Variants in ALPK3 observed in about 807,000 individuals in gnomAD.
The protein encoded by ALPK3 is alpha kinase 3.
ALPK3 carries 102 observed loss-of-function variants against 140.0 expected under a neutral mutation model. The observed-to-expected ratio is 0.73, with a 90% CI of 0.62 to 0.86. The LOEUF (loss-of-function observed/expected upper bound fraction) is 0.86, where lower values mean the gene tolerates loss of function less well. ALPK3 is among the 40% of genes least tolerant of loss of function. The pLI, the probability that ALPK3 is intolerant of heterozygous loss-of-function variation, is 0.00. For missense variants in ALPK3, 2,254 were observed against 2,208.2 expected, an observed-to-expected ratio of 1.02 and a Z score of -0.42; for synonymous variants, 938 against 898.5, an observed-to-expected ratio of 1.04 and a Z score of -0.79.
chr15:84,859,735 C>T, intron 7 of ALPK3, 41 bp from the exon 8 acceptor site: 1 of 1,583,462 alleles, frequency 6.3e-7, no homozygotes, highest in Non-Finnish European at 8.6e-7. Context: ...ACAGTCTGCC[C>T]CCATGCCATG....
Position 84,858,574 on chromosome 15 carries a change from G to GTCC in ALPK3, c.3817+19_3817+20insTCC. ...CTGAAAGGTGAGCAGTGGGGAGGGAGAGGGATGGCTTCACAGGACAGGGCC... is the reference window on the plus strand; with the variant it reads ...CTGAAAGGTGAGCAGTGGGGAGGGAGTCCAGGGATGGCTTCACAGGACAGGGCC... On this transcript the variant is annotated intron_variant, in intron 6 of 13. Transcript: ENST00000258888. 5.1e-6 allele frequency: 8 copies of GTCC among 1,560,618 alleles called. No individual in the cohort carries two copies. The highest frequency in any genetic ancestry group is 6.9e-6 in the Non-Finnish European group (8 of 1,162,108).
rs781080280 is a variant in ALPK3, at chr15:84,840,425, C to T, written c.1146C>T (p.Gly382=). The stretch of plus-strand genomic sequence containing the variant: ...CTGCACGGGGGCCTGGGTCCTCTGG[C>T]ACAGATAGTACCAGGAAGCCAGCCT... The part of the protein sequence containing the change: ...GRAARGPGSS[G]TDSTRKPASA... Residue 382 remains glycine (G), a synonymous_variant, in exon 5 of 14, where the codon GGC becomes GGT. Coordinates refer to ENST00000258888, the MANE Select transcript of ALPK3 (RefSeq NM_020778.5). 4.3e-6 allele frequency: 7 copies of T among 1,613,882 alleles called. No homozygotes were observed. The highest frequency in any genetic ancestry group is 5.9e-6 in the Non-Finnish European group (7 of 1,179,886).
chr15:84,831,283 T>C (rs182851784), intron 3 of ALPK3, among the ~76,000 whole-genome samples: 2 of 152,306 alleles, frequency 1.3e-5, no homozygotes, highest in Admixed American at 6.5e-5. Flanking sequence ...ATGCTTTCAG[T>C]TGGAAACGGA....
At chr15:84,837,427 C>T (rs1156372881) in intron 3 of ALPK3, among the ~76,000 whole-genome samples, 1 of 152,164 alleles carries the variant, frequency 6.6e-6, no homozygotes, top group Non-Finnish European at 1.5e-5. Flanking sequence ...AAAGGCAGAG[C>T]GCCTGTGCAG....
intron 2 of ALPK3, among the ~76,000 whole-genome samples, chr15:84,826,896 C>G (rs971097017): frequency 2.0e-5 from 3 of 152,136 alleles, no homozygotes; most frequent in Non-Finnish European, 4.4e-5. Flanking sequence ...GAATTAGAGT[C>G]CCCCCTTGGG....
rs1485107945 is a variant in ALPK3 at position 84,839,106 on chromosome 15, G to A, written c.422+9G>A. The A allele has an allele frequency of 1.3e-6, 2 of 1,599,970 alleles. No homozygotes were observed. The highest frequency in any genetic ancestry group is 1.7e-6 in the Non-Finnish European group (2 of 1,172,338). On this transcript the variant is annotated intron_variant, in intron 4 of 13. Coordinates refer to ENST00000258888, the MANE Select transcript of ALPK3 (RefSeq NM_020778.5). ...ACACTGCAGCTGTACAGGTGAGGGA[G>A]AAGGGCCTGTTTTGCTCTCTCTGCC...
At chr15:84,851,745 C>T (rs1461075062) in intron 5 of ALPK3, among the ~76,000 whole-genome samples, 3 of 152,110 alleles carry the variant, frequency 2.0e-5, no homozygotes, top group African/African-American at 7.2e-5. Flanking sequence ...TACCATAATT[C>T]ATTGGATCAA....
Position 84,839,740 on chromosome 15 carries a change from C to T in ALPK3, c.461C>T (p.Ala154Val), listed in dbSNP as rs913849174. 5.0e-6 allele frequency: 8 copies of T among 1,613,646 alleles called. No individual in the cohort carries two copies. The highest frequency in any genetic ancestry group is 5.9e-6 in the Non-Finnish European group (7 of 1,179,826). The stretch of plus-strand genomic sequence containing the variant: ...GATGCCGCCATCTACCAGGCCTCTG[C>T]CCAGAACAGCAAGGGCATTGTGTCC... Reference protein sequence around the residue: ...EEDAAIYQASAQNSKGIVSCS... With the variant: ...EEDAAIYQASVQNSKGIVSCS... The change falls in exon 5 of 14, where the codon GCC (alanine) becomes GTC (valine). Residue 154 changes from alanine to valine, a missense_variant. Transcript: ENST00000258888.
chr15:84,824,864 A>G (rs1963467846), intron 2 of ALPK3, among the ~76,000 whole-genome samples: 1 of 152,166 alleles, frequency 6.6e-6, no homozygotes, highest in Non-Finnish European at 1.5e-5. Context: ...TATAGGGTGC[A>G]GCACACTCAG....
chr15:84,849,156 T>C (rs1390062942), intron 5 of ALPK3, among the ~76,000 whole-genome samples: 1 of 151,576 alleles, frequency 6.6e-6, no homozygotes, highest in African/African-American at 2.4e-5. Flanking sequence ...AAAAAAAAAT[T>C]ACTAAGAGAA....
intron 1 of ALPK3, among the ~76,000 whole-genome samples, chr15:84,822,047 A>G (rs1192868308): frequency 6.6e-6 from 1 of 151,938 alleles, no homozygotes; most frequent in Non-Finnish European, 1.5e-5. Context: ...CCAGTTAAGG[A>G]GTGGAGACTC....
intron 3 of ALPK3, 51 bp downstream of exon 3, chr15:84,827,656 G>C: frequency 6.2e-7 from 1 of 1,601,120 alleles, no homozygotes; most frequent in Non-Finnish European, 8.5e-7. Flanking sequence ...ACAGAGCAGG[G>C]TCCAAGGAGG....
In ALPK3 at chr15:84,856,522, A is replaced by T. The variant is rs1422078985; in HGVS notation, c.1784A>T (p.Asp595Val). ...IEPMDMETQEDGRTSANQRTG... is the reference protein window; with the variant it reads ...IEPMDMETQEVGRTSANQRTG... ...CCCATGGATATGGAAACCCAGGAGG[A>T]TGGGAGAACATCTGCTAACCAGAGA... The change falls in exon 6 of 14, where the codon GAT (aspartate) becomes GTT (valine). Residue 595 changes from aspartate to valine, a missense_variant. This residue lies in a region of ALPK3 where 2,088 missense variants were observed against 2,022.9 expected (regional missense o/e 1.03). Coordinates refer to ENST00000258888, the MANE Select transcript of ALPK3 (RefSeq NM_020778.5). 1.9e-6 allele frequency: 3 copies of T among 1,614,148 alleles called. No homozygotes were observed. Among genetic ancestry groups the T allele is most frequent in the Admixed American group, 3.3e-5 (2 of 60,028 alleles).
At chr15:84,823,832 T>C (rs895885228) in intron 2 of ALPK3, among the ~76,000 whole-genome samples, 1 of 152,178 alleles carries the variant, frequency 6.6e-6, no homozygotes, top group Non-Finnish European at 1.5e-5. Context: ...TGCCTCAGCC[T>C]TCTGAGTAGC....
In ALPK3 at chr15:84,859,247, A is replaced by G. The variant is rs1167488320; in HGVS notation, c.3822A>G (p.Pro1274=). 18 of 1,614,058 alleles carry G rather than the reference A, an allele frequency of 1.1e-5. No individual in the cohort carries two copies. The highest frequency in any genetic ancestry group is 1.7e-4 in the Middle Eastern group (1 of 6,010). ...TTGACTGGGCCCTGCTCTCAGCCCC[A>G]CAGGTGATCCGGAAGATTCGGGTGG... The part of the protein sequence containing the change: ...PRKAKDLLKA[P]QVIRKIRVEQ... Residue 1274 remains proline, a synonymous_variant, in exon 7 of 14, where the codon CCA becomes CCG. Coordinates refer to ENST00000258888, the MANE Select transcript of ALPK3 (RefSeq NM_020778.5).
intron 5 of ALPK3, among the ~76,000 whole-genome samples, chr15:84,854,801 T>C (rs577138577): frequency 6.6e-6 from 1 of 152,328 alleles, no homozygotes; most frequent in African/African-American, 2.4e-5. Flanking sequence ...GCATAGAACA[T>C]TGACATTCTG....
Position 84,871,899 on chromosome 15 carries a change from G to C in ALPK3, c.*3443G>C, listed in dbSNP as rs983622639. ...GTTTATGGCATTTGAGAATTCCATG[G>C]ATATTGATGGCAGGAGAGGCATGAT... On this transcript the variant is annotated 3_prime_UTR_variant, in exon 14 of 14. Coordinates refer to ENST00000258888, the MANE Select transcript of ALPK3 (RefSeq NM_020778.5). 6.6e-6 allele frequency: 1 copy of C among 152,274 alleles called. No homozygotes were observed. The highest frequency in any genetic ancestry group is 2.4e-5 in the African/African-American group (1 of 41,464). 9.4% of individuals were successfully genotyped at this position (152,274 alleles called of 1,614,324 possible). A position where few individuals can be genotyped will look rare whatever the true frequency, so the allele number is the denominator to read the frequency against.
chr15:84,850,317 T>C (rs1384732382), intron 5 of ALPK3, among the ~76,000 whole-genome samples: 1 of 152,226 alleles, frequency 6.6e-6, no homozygotes, highest in East Asian at 1.9e-4. Flanking sequence ...TGTTCATTCC[T>C]GTGAACCCCT....
intron 5 of ALPK3, among the ~76,000 whole-genome samples, chr15:84,843,476 G>C (rs1479133493): frequency 6.6e-6 from 1 of 152,162 alleles, no homozygotes; most frequent in East Asian, 1.9e-4. Flanking sequence ...GGTCTCAAGA[G>C]TGGGAGCCCT....
Sources: gnomAD v4.1 joint callset for allele counts (sites outside exome capture counted in the v4.1 genomes callset) on GRCh38, gnomAD v4.1.1 for gene constraint, gnomAD v4.1.1 regional missense constraint, MANE v1.5 for transcripts, NCBI Gene and HGNC (gene_info 2026-07-23, HGNC 2026-07-21) for gene names.